XYLT1: variants seen among roughly 807,000 people sequenced by gnomAD.
XYLT1 encodes the protein beta-D-xylosyltransferase 1.
XYLT1 carries 36 observed loss-of-function variants against 91.3 expected under a neutral mutation model. That is an observed-to-expected ratio of 0.39 (90% CI 0.30 to 0.52). The LOEUF (loss-of-function observed/expected upper bound fraction) is 0.52. Among genes scored for constraint, XYLT1 ranks in the 20% least tolerant of loss-of-function variants. The pLI is 0.68. For missense variants in XYLT1, 1,242 were observed against 1,284.5 expected (o/e 0.97, Z 0.51); for synonymous variants, 588 against 532.0 (o/e 1.11, Z -1.45).
intron 2 of XYLT1, among the ~76,000 whole-genome samples, chr16:17,274,833 C>T (rs1039574699): frequency 6.6e-6 from 1 of 152,172 alleles, no homozygotes; most frequent in Non-Finnish European, 1.5e-5. Flanking sequence ...ACTTAGTGAA[C>T]ATTTACTCTA....
chr16:17,138,497 T>C lies in XYLT1; in HGVS notation c.1622A>G (p.His541Arg). 6.2e-7 allele frequency: 1 copy of C among 1,613,884 alleles called. No homozygotes were observed. Among genetic ancestry groups the C allele is most frequent in the South Asian group, 1.1e-5 (1 of 91,062 alleles). Reference protein sequence around the residue: ...FFHTVLENSPHCDTMVDNNLR... With the variant: ...FFHTVLENSPRCDTMVDNNLR... ...GTTGTTGTCCACCATGGTGTCGCAG[T>C]GGGGGCTGTTCTCCAGGACCGTATG... Residue 541 changes from histidine to arginine, a missense_variant, in exon 8 of 12, where the codon CAC (histidine) becomes CGC (arginine). His to Arg is a conservative substitution (Grantham distance 29). Transcript: ENST00000261381.
rs557089586 is a variant in XYLT1, at chr16:17,379,281, A to G, written c.364-21231T>C. ...ACCCTAAAGACTATATATAGAAGAA[A>G]AGACTCAGGAGTTCCCATTTGGCAG... On this transcript the variant is annotated intron_variant, in intron 1 of 11. Coordinates refer to ENST00000261381, the MANE Select transcript of XYLT1 (RefSeq NM_022166.4). 2.0e-5 allele frequency among the ~76,000 whole-genome samples: 3 copies of G among 152,314 alleles called. No individual in the cohort carries two copies. In the South Asian group the frequency reaches 6.2e-4, roughly 32 times the overall value.
Position 17,408,808 on chromosome 16 carries a change from A to G in XYLT1, c.364-50758T>C, listed in dbSNP as rs532103213. Among the ~76,000 whole-genome samples the G allele has an allele frequency of 9.8e-5, 15 of 152,320 alleles. No homozygotes were observed. The East Asian group carries it at 2.3e-3, about 23-fold the overall frequency. ...TTGCGGTGACCCAAGAGATCGCACC[A>G]TTACACTCCAGCCCGGGCAACAAGA... On this transcript the variant is annotated intron_variant, in intron 1 of 11. Coordinates refer to ENST00000261381, the MANE Select transcript of XYLT1 (RefSeq NM_022166.4).
chr16:17,278,023 C>T (rs1228869081), intron 2 of XYLT1, among the ~76,000 whole-genome samples: 1 of 152,148 alleles, frequency 6.6e-6, no homozygotes, highest in Non-Finnish European at 1.5e-5. Context: ...CCTCCTCCTG[C>T]CCCTCCTGCC....
chr16:17,211,956 T>A (rs919437239), intron 3 of XYLT1, among the ~76,000 whole-genome samples: 1 of 152,204 alleles, frequency 6.6e-6, no homozygotes, highest in Admixed American at 6.5e-5. Context: ...CCAGTAGCAC[T>A]CACCTAGTTG....
intron 11 of XYLT1, among the ~76,000 whole-genome samples, chr16:17,117,212 TA>T (rs1260164957): frequency 6.6e-6 from 1 of 152,232 alleles, no homozygotes; most frequent in Non-Finnish European, 1.5e-5. Flanking sequence ...ATGAGTACTT[TA>T]AAAAAATGTA....
intron 6 of XYLT1, among the ~76,000 whole-genome samples, chr16:17,152,902 G>A (rs2031314386): frequency 6.6e-6 from 1 of 152,130 alleles, no homozygotes; most frequent in Admixed American, 6.5e-5. Context: ...ATGGGTTGGA[G>A]TGGCTAATTT....
Position 17,378,715 on chromosome 16 carries a change from C to G in XYLT1, c.364-20665G>C, listed in dbSNP as rs575291177. Reference sequence around the variant, plus strand: ...ACTGTAAGGCAAATTACGACCAGTTCACAGCCAGGAAAACTGAGACTGAGG... The same window carrying G: ...ACTGTAAGGCAAATTACGACCAGTTGACAGCCAGGAAAACTGAGACTGAGG... On this transcript the variant is annotated intron_variant, in intron 1 of 11. Coordinates refer to ENST00000261381, the MANE Select transcript of XYLT1 (RefSeq NM_022166.4). 8.5e-5 allele frequency among the ~76,000 whole-genome samples: 13 copies of G among 152,336 alleles called. No individual in the cohort carries two copies. The South Asian group carries it at 2.7e-3, about 32-fold the overall frequency.
At chr16:17,268,988 A>G (rs1318271260) in intron 2 of XYLT1, among the ~76,000 whole-genome samples, 2 of 151,990 alleles carry the variant, frequency 1.3e-5, no homozygotes, top group Non-Finnish European at 2.9e-5. Flanking sequence ...ATACTTTCCT[A>G]TAGAGAGAGG....
intron 3 of XYLT1, among the ~76,000 whole-genome samples, chr16:17,202,921 C>A (rs1250975991): frequency 6.6e-6 from 1 of 151,996 alleles, no homozygotes; most frequent in Non-Finnish European, 1.5e-5. Flanking sequence ...AATAACAATA[C>A]CTTTTATTGA....
At position 17,259,342 on chromosome 16, in the gene XYLT1, T is replaced by C; in HGVS notation, c.559A>G (p.Ser187Gly). The C allele has an allele frequency of 1.2e-6, 2 of 1,614,188 alleles. No homozygotes were observed. The highest frequency in any genetic ancestry group is 1.7e-6 in the Non-Finnish European group (2 of 1,180,036). Residue 187 changes from serine (S) to glycine (G), a missense_variant, in exon 3 of 12, where the codon AGT (serine) becomes GGT (glycine). By Grantham distance (56) the Ser-to-Gly change is moderately conservative (BLOSUM62 0). Around this residue, in one of 3 missense-constraint regions of XYLT1, gnomAD observed 437 missense variants for 411.5 expected, o/e 1.06. Coordinates refer to ENST00000261381, the MANE Select transcript of XYLT1 (RefSeq NM_022166.4). ...HQPELAKKPPSRQKELLKRKL... is the reference protein window; with the variant it reads ...HQPELAKKPPGRQKELLKRKL... ...CTTTTCAAAAGCTCCTTCTGTCTAC[T>C]CGGTGGCTTCTTCGCCAACTCAGGC...
At position 17,108,343 on chromosome 16, in the gene XYLT1, C is replaced by T. The variant is rs114672233; in HGVS notation, c.*352G>A. On this transcript the variant is annotated 3_prime_UTR_variant, in exon 12 of 12. Transcript: ENST00000261381. ...TGAACCTCCACTTATGACTGTGCTC[C>T]GTAAACGAAGTTCTGCTGCTCGAAA... is the stretch of plus-strand genomic sequence containing the variant. 1,838 of 215,278 alleles carry T rather than the reference C, an allele frequency of 8.5e-3. 33 individuals carry two copies. The highest frequency in any genetic ancestry group is 0.039 in the African/African-American group (1,703 of 44,044). The allele number at this position is 215,278 out of a possible 1,614,324, so 13.3% of individuals were successfully genotyped here.
intron 1 of XYLT1, among the ~76,000 whole-genome samples, chr16:17,406,191 A>G (rs2036031064): frequency 6.6e-6 from 1 of 152,238 alleles, no homozygotes; most frequent in African/African-American, 2.4e-5. Flanking sequence ...TTTTATAAAA[A>G]TAAGAGACTC....
intron 2 of XYLT1, among the ~76,000 whole-genome samples, chr16:17,316,141 A>G (rs12324928): frequency 0.14 from 21,821 of 152,120 alleles, 1,874 homozygotes; most frequent in African/African-American, 0.24. Context: ...TATCTGATCA[A>G]TTTTCTAGGC....
intron 11 of XYLT1, among the ~76,000 whole-genome samples, chr16:17,114,670 A>G (rs1480959691): frequency 6.6e-6 from 1 of 152,062 alleles, no homozygotes; most frequent in Non-Finnish European, 1.5e-5. Context: ...AAGGCACCCA[A>G]TCCAGAACTC....
chr16:17,459,525 G>A (rs1016556974), intron 1 of XYLT1, among the ~76,000 whole-genome samples: 4 of 152,074 alleles, frequency 2.6e-5, no homozygotes, highest in Non-Finnish European at 2.9e-5. Flanking sequence ...TTGGATTCCT[G>A]GGGCTCGTTT....
intron 2 of XYLT1, among the ~76,000 whole-genome samples, chr16:17,296,562 C>T (rs779267553): frequency 6.6e-5 from 10 of 152,294 alleles, no homozygotes; most frequent in South Asian, 4.1e-4. Flanking sequence ...CAGAGAGGCT[C>T]TGAGAATAAA....
At position 17,467,701 on chromosome 16, in the gene XYLT1, C is replaced by T. The variant is rs1226228648; in HGVS notation, c.363+2733G>A. Among the ~76,000 whole-genome samples, 8 of 152,260 alleles carry T rather than the reference C, an allele frequency of 5.3e-5. No homozygotes were observed. In the East Asian group the frequency reaches 7.7e-4, roughly 15 times the overall value. Reference sequence around the variant, plus strand: ...TCCCCAAACATAAAAAGGACAAATGCTCTGAGGCTGTGGGCATCAGGAAGG... The same window carrying T: ...TCCCCAAACATAAAAAGGACAAATGTTCTGAGGCTGTGGGCATCAGGAAGG... On this transcript the variant is annotated intron_variant, in intron 1 of 11. Coordinates refer to ENST00000261381, the MANE Select transcript of XYLT1 (RefSeq NM_022166.4).
intron 3 of XYLT1, among the ~76,000 whole-genome samples, chr16:17,235,560 T>C (rs1371472935): frequency 6.6e-6 from 1 of 152,182 alleles, no homozygotes; most frequent in Admixed American, 6.5e-5. Context: ...CGAAAGGGAC[T>C]GTTTGTTTCT....
Sources: gnomAD v4.1 joint callset for allele counts (sites outside exome capture counted in the v4.1 genomes callset) on GRCh38, gnomAD v4.1.1 for gene constraint, gnomAD v4.1.1 regional missense constraint, MANE v1.5 for transcripts, NCBI Gene and HGNC (gene_info 2026-07-23, HGNC 2026-07-21) for gene names.